FGF18: variants seen among roughly 807,000 people sequenced by gnomAD.
The protein encoded by FGF18 is fibroblast growth factor 18.
FGF18 carries 5 observed loss-of-function variants against 23.0 expected under a neutral mutation model. The ratio of observed to expected loss-of-function variants is 0.22; its 90% CI spans 0.11 to 0.46. The LOEUF is 0.46. Among genes scored for constraint, FGF18 ranks in the 20% least tolerant of loss-of-function variants. The pLI is 0.99. For synonymous variants in FGF18, 117 were observed against 118.9 expected (o/e 0.98, Z 0.10); for missense variants, 180 against 291.6 (o/e 0.62, Z 2.79).
intron 4 of FGF18, among the ~76,000 whole-genome samples, chr5:171,449,630 C>G (rs1188439545): frequency 6.6e-6 from 1 of 152,026 alleles, no homozygotes; most frequent in East Asian, 1.9e-4. Context: ...CGTCTGGGAG[C>G]AAGGAACCGG....
chr5:171,456,564 TG>T lies in FGF18; in HGVS notation c.384del (p.Phe129SerfsTer13). 6.2e-7 allele frequency: 1 copy of T among 1,614,010 alleles called. No homozygotes were observed. The highest frequency in any genetic ancestry group is 8.5e-7 in the Non-Finnish European group (1 of 1,179,922). On this transcript the variant is annotated frameshift_variant, in exon 5 of 5. Transcript: ENST00000274625. LOFTEE classifies it high-confidence loss of function. The surrounding 1 kb of genome is among the most constrained non-coding windows in gnomAD (Gnocchi z 6.1). The stretch of plus-strand genomic sequence containing the variant: ...CCCGATGGCACCAGCAAGGAGTGTG[TG>T]TTCATCGAGAAGGTTCTGGAGAACA... Reference protein sequence around the residue: ...GKPDGTSKECVFIEKVLENNY... With the variant: ...GKPDGTSKECXFIEKVLENNY...
intron 3 of FGF18, among the ~76,000 whole-genome samples, chr5:171,448,394 A>G (rs1772448202): frequency 6.6e-6 from 1 of 152,234 alleles, no homozygotes; most frequent in South Asian, 2.1e-4. Flanking sequence ...CCTTCCTGCT[A>G]TGAATAGGCA....
chr5:171,439,147 C>T (rs1317303166), intron 3 of FGF18, among the ~76,000 whole-genome samples: 19 of 152,172 alleles, frequency 1.2e-4, no homozygotes, highest in Non-Finnish European at 7.3e-5. Flanking sequence ...TGGGTGGGCA[C>T]GAGGGGCTGG....
rs547075801 is a variant in FGF18 at position 171,431,401 on chromosome 5, C to T, written c.70-4692C>T. On this transcript the variant is annotated intron_variant, in intron 2 of 4. Coordinates refer to ENST00000274625, the MANE Select transcript of FGF18 (RefSeq NM_003862.3). Reference sequence around the variant, plus strand: ...AGAGCTGCACCGGGAGAGGATGAGACCGAAGGCAGAAGGTGGGTGGGCTCT... The same window carrying T: ...AGAGCTGCACCGGGAGAGGATGAGATCGAAGGCAGAAGGTGGGTGGGCTCT... Among the ~76,000 whole-genome samples the T allele has an allele frequency of 1.1e-3, 174 of 152,240 alleles. 1 individual carries two copies. The highest frequency in any genetic ancestry group is 2.1e-3 in the Non-Finnish European group (140 of 68,028).
At position 171,436,288 on chromosome 5, in the gene FGF18, TCTC is replaced by T. The variant is rs768344642; in HGVS notation, c.250+21_250+23del. ...GGACAAGTATGGTATGTGCCAACCC[TCTC>T]CTCCTACTCCGTGTACCCGTGTACA... On this transcript the variant is annotated intron_variant, in intron 3 of 4. Transcript: ENST00000274625. This position sits in a 1 kb window ranked among gnomAD's most constrained non-coding sequence, Gnocchi z 4.4. 2.0e-6 allele frequency: 3 copies of T among 1,531,070 alleles called. No individual in the cohort carries two copies. The highest frequency in any genetic ancestry group is 2.8e-5 in the African/African-American group (2 of 72,184). 94.8% of individuals were successfully genotyped at this position (1,531,070 alleles called of 1,614,324 possible).
At chr5:171,450,557 T>A (rs1772483197) in intron 4 of FGF18, among the ~76,000 whole-genome samples, 1 of 152,198 alleles carries the variant, frequency 6.6e-6, no homozygotes, top group African/African-American at 2.4e-5. Context: ...AAAGCCCGGT[T>A]TGGAAGGAAA....
In FGF18 at chr5:171,437,623, C is replaced by T. The variant is rs566146073; in HGVS notation, c.250+1350C>T. 3.3e-4 allele frequency among the ~76,000 whole-genome samples: 50 copies of T among 152,246 alleles called. 1 individual carries two copies. Among genetic ancestry groups the T allele is most frequent in the Non-Finnish European group, 7.3e-4 (50 of 68,042 alleles). ...GGACCACAGCTTCCCTCCTCCCCAC[C>T]TCTCCCAGGCCCTCTGCTGGCTGCC... On this transcript the variant is annotated intron_variant, in intron 3 of 4. Transcript: ENST00000274625.
Position 171,420,185 on chromosome 5 carries a change from C to T in FGF18, c.-15C>T. 6.5e-7 allele frequency: 1 copy of T among 1,540,236 alleles called. No individual in the cohort carries two copies. ...CAGGCTGGGCTAGGAGCCGCCGCCT[C>T]CCTCCCGCCCAGCGATGTATTCAGC... On this transcript the variant is annotated 5_prime_UTR_variant, in exon 1 of 5. Transcript: ENST00000274625.
At chr5:171,438,787 A>G (rs1483556850) in intron 3 of FGF18, among the ~76,000 whole-genome samples, 1 of 151,982 alleles carries the variant, frequency 6.6e-6, no homozygotes, top group Non-Finnish European at 1.5e-5. Flanking sequence ...TGAGGCTTCC[A>G]ATCTAGATAA....
intron 2 of FGF18, among the ~76,000 whole-genome samples, chr5:171,423,650 A>AC (rs2113326846): frequency 6.6e-6 from 1 of 150,814 alleles, no homozygotes; most frequent in African/African-American, 2.4e-5. Flanking sequence ...CGGCCTGACC[A>AC]CCCCCACACC....
At chr5:171,454,962 C>A (rs917051303) in intron 4 of FGF18, among the ~76,000 whole-genome samples, 1 of 152,240 alleles carries the variant, frequency 6.6e-6, no homozygotes, top group Admixed American at 6.5e-5. Context: ...GCACGCCAGC[C>A]CTGTCGGGAA....
chr5:171,430,751 G>C (rs1293114761), intron 2 of FGF18, among the ~76,000 whole-genome samples: 1 of 142,396 alleles, frequency 7.0e-6, no homozygotes, highest in Admixed American at 7.3e-5. Flanking sequence ...TTGCGCCACT[G>C]CAGTCCGTAG....
At chr5:171,431,860 A>T (rs1581272259) in intron 2 of FGF18, among the ~76,000 whole-genome samples, 1 of 151,966 alleles carries the variant, frequency 6.6e-6, no homozygotes, top group Non-Finnish European at 1.5e-5. Context: ...GGAGTTCAAG[A>T]CCAGCCTGGC....
At chr5:171,427,722 A>G (rs1344692144) in intron 2 of FGF18, among the ~76,000 whole-genome samples, 1 of 152,218 alleles carries the variant, frequency 6.6e-6, no homozygotes, top group Non-Finnish European at 1.5e-5. Flanking sequence ...TTTGAGGGGA[A>G]TGAAGAAGGT....
intron 4 of FGF18, among the ~76,000 whole-genome samples, chr5:171,454,339 G>C (rs1223772810): frequency 6.6e-6 from 1 of 152,164 alleles, no homozygotes; most frequent in Non-Finnish European, 1.5e-5. Context: ...ATTTGGTTGA[G>C]ACCAGGCAAA....
chr5:171,442,509 G>A (rs572106800), intron 3 of FGF18, among the ~76,000 whole-genome samples: 3 of 152,292 alleles, frequency 2.0e-5, no homozygotes, highest in South Asian at 2.1e-4. Flanking sequence ...GCCAGCTACC[G>A]TCCAGCCCTC....
rs1772580745 is a variant in FGF18 at position 171,456,397 on chromosome 5, ATC to A, written c.358-135_358-134del. 7.7e-6 allele frequency: 6 copies of A among 777,890 alleles called. No individual in the cohort carries two copies. In the East Asian group the frequency reaches 1.6e-4, roughly 21 times the overall value. The allele number at this position is 777,890 out of a possible 1,614,324, so 48.2% of individuals were successfully genotyped here. ...TGTGCCATATTCAGAGTTAAGCTCA[ATC>A]TCTCTCCCCCACTGCAAAACTTCAT... On this transcript the variant is annotated intron_variant, in intron 4 of 4. Transcript: ENST00000274625. This position sits in a 1 kb window ranked among gnomAD's most constrained non-coding sequence, Gnocchi z 6.1.
rs1381517920 is a variant in FGF18 at position 171,436,225 on chromosome 5, G to A, written c.202G>A (p.Val68Ile). 2.5e-6 allele frequency: 4 copies of A among 1,602,454 alleles called. No individual in the cohort carries two copies. Among genetic ancestry groups the A allele is most frequent in the Non-Finnish European group, 3.4e-6 (4 of 1,174,040 alleles). ...CCGGACCAGTGGGAAACACATCCAG[G>A]TCCTGGGCCGCAGGATCAGTGCCCG... ...YSRTSGKHIQ[V>I]LGRRISARGE... Residue 68 changes from valine to isoleucine, a missense_variant, in exon 3 of 5, where the codon GTC becomes ATC. Around this residue, in one of 3 missense-constraint regions of FGF18, gnomAD observed 83 missense variants for 190.4 expected, o/e 0.44. Transcript: ENST00000274625. The surrounding 1 kb of genome is among the most constrained non-coding windows in gnomAD (Gnocchi z 4.4).
chr5:171,449,084 C>A, intron 3 of FGF18, 63 bp from the exon 4 acceptor site: 1 of 1,256,210 alleles, frequency 8.0e-7, no homozygotes, highest in Non-Finnish European at 1.2e-6. Context: ...GTCACTGAGC[C>A]TTTAGACCAA....
Sources: allele counts gnomAD v4.1 joint callset (sites outside exome capture counted in the v4.1 genomes callset), GRCh38; gene constraint gnomAD v4.1.1; regional missense constraint gnomAD v4.1.1; non-coding constraint Gnocchi (gnomAD v3.1); transcripts MANE v1.5; gene names NCBI Gene and HGNC (gene_info 2026-07-23, HGNC 2026-07-21).